CFAP58: variants seen among roughly 807,000 people sequenced by gnomAD.
The protein encoded by CFAP58 is cilia and flagella associated protein 58.
A neutral mutation model predicts 119.5 loss-of-function variants in CFAP58; 88 were observed. The ratio of observed to expected loss-of-function variants is 0.74; its 90% confidence interval spans 0.62 to 0.88. The LOEUF (loss-of-function observed/expected upper bound fraction) is 0.88, where lower values mean the gene tolerates loss of function less well. CFAP58 is among the 40% of genes least tolerant of loss of function. The probability of loss-of-function intolerance (pLI) is 0.00; values close to 1 mark genes in which losing one functional copy is unlikely to be tolerated. For synonymous variants in CFAP58, 365 were observed against 366.3 expected (o/e 1.00, Z 0.04); for missense variants, 990 against 1,021.2 (o/e 0.97, Z 0.42).
intron 15 of CFAP58, among the ~76,000 whole-genome samples, chr10:104,440,657 G>T (rs1464128189): frequency 2.0e-5 from 3 of 152,072 alleles, no homozygotes; most frequent in Non-Finnish European, 2.9e-5. Context: ...TTTCTCCACG[G>T]TATTCAGATA....
chr10:104,403,543 A>G (rs2133046909), intron 13 of CFAP58, among the ~76,000 whole-genome samples, 186 bp from the exon 14 acceptor site: 1 of 147,324 alleles, frequency 6.8e-6, no homozygotes, highest in Admixed American at 6.9e-5. Context: ...AGCTAAGCCA[A>G]TTCTTGAGCT....
the CFAP58 span, among the ~76,000 whole-genome samples, chr10:104,342,868 A>AAAAAT: frequency 6.7e-6 from 1 of 149,570 alleles, no homozygotes; most frequent in Non-Finnish European, 1.5e-5. Flanking sequence ...AAAAAAAAAA[A>AAAAAT]GTGACTTGTG....
intron 6 of CFAP58, 79 bp downstream of exon 6, chr10:104,368,639 T>C (rs1479005856): frequency 1.8e-5 from 27 of 1,506,518 alleles, no homozygotes; most frequent in Non-Finnish European, 2.3e-5. Context: ...AGCCCTCAGT[T>C]GGAGAGCCTG....
rs7090945 is a variant in CFAP58 at position 104,426,448 on chromosome 10, A to T, written c.2256+19655A>T. ...CTCCTTCCCCCCGCCGCCTTCCATCATCCTCTCTCCCTCCCCACTCCCCCC... is the reference window on the plus strand; with the variant it reads ...CTCCTTCCCCCCGCCGCCTTCCATCTTCCTCTCTCCCTCCCCACTCCCCCC... On this transcript the variant is annotated intron_variant, in intron 15 of 17. Transcript: ENST00000369704. 3.3e-3 allele frequency among the ~76,000 whole-genome samples: 455 copies of T among 138,474 alleles called. 1 individual carries two copies. The highest frequency in any genetic ancestry group is 0.012 in the African/African-American group (439 of 36,702). 90.8% of individuals were successfully genotyped at this position (138,474 alleles called of 152,430 possible). A position where few individuals can be genotyped will look rare whatever the true frequency, so the allele number is the denominator to read the frequency against.
chr10:104,348,416 A>T, the CFAP58 span, among the ~76,000 whole-genome samples: 1 of 152,294 alleles, frequency 6.6e-6, no homozygotes, highest in South Asian at 2.1e-4. Context: ...TACAGCACGC[A>T]CCTGAGAAGT....
rs1426074130 is a variant in CFAP58, at chr10:104,380,084, A to G, written c.1229A>G (p.His410Arg). 9.9e-6 allele frequency: 16 copies of G among 1,614,054 alleles called. No individual in the cohort carries two copies. Among genetic ancestry groups the G allele is most frequent in the Non-Finnish European group, 1.2e-5 (14 of 1,180,014 alleles). ...TQKQTDLVKLHEQAKRNLEGE... is the reference protein window; with the variant it reads ...TQKQTDLVKLREQAKRNLEGE... ...AAGCAGACAGACTTGGTAAAGCTCC[A>G]TGAACAAGCCAAGAGGAACCTGGAG... Residue 410 changes from histidine (H) to arginine (R), a missense_variant, in exon 9 of 18, where the codon CAT becomes CGT. Transcript: ENST00000369704.
chr10:104,407,737 C>T (rs2012387856), intron 15 of CFAP58, among the ~76,000 whole-genome samples: 1 of 152,112 alleles, frequency 6.6e-6, no homozygotes, highest in Admixed American at 6.5e-5. Context: ...TGCTCTGTTG[C>T]CCAGGCTGGA....
chr10:104,414,673 T>A lies in CFAP58; in HGVS notation c.2256+7880T>A, dbSNP rs191441810. 8.6e-3 allele frequency among the ~76,000 whole-genome samples: 1,312 copies of A among 152,280 alleles called. 5 individuals carry two copies. The highest frequency in any genetic ancestry group is 0.013 in the Non-Finnish European group (893 of 68,034). ...TAACTCTTAATTTAATTTTTATTTT[T>A]ATTTTTATTTTTTTGAGACGGATTC... On this transcript the variant is annotated intron_variant, in intron 15 of 17. Transcript: ENST00000369704.
rs1461865233 is a variant in CFAP58 at position 104,454,776 on chromosome 10, G to A, written c.*246G>A. ...ACCTATTGCATGAAGCAAATCTTTT[G>A]TTGCTACCCCATTGATTGAAATGTA... is the stretch of plus-strand genomic sequence containing the variant. On this transcript the variant is annotated 3_prime_UTR_variant, in exon 18 of 18. Coordinates refer to ENST00000369704, the MANE Select transcript of CFAP58 (RefSeq NM_001008723.2). 2.3e-6 allele frequency: 1 copy of A among 440,312 alleles called. No homozygotes were observed. The highest frequency in any genetic ancestry group is 2.0e-5 in the African/African-American group (1 of 50,186). 27.3% of individuals were successfully genotyped at this position (440,312 alleles called of 1,614,324 possible).
intron 9 of CFAP58, chr10:104,382,454 TC>T (rs2011830797): frequency 2.3e-6 from 1 of 443,538 alleles, no homozygotes; most frequent in African/African-American, 1.9e-5. Context: ...TCTCAAAAAT[TC>T]CAGTGTGGTT....
chr10:104,393,313 C>G lies in CFAP58; in HGVS notation c.1528-16C>G. 1 of 1,603,818 alleles carries G rather than the reference C, an allele frequency of 6.2e-7. No individual in the cohort carries two copies. Among genetic ancestry groups the G allele is most frequent in the Non-Finnish European group, 8.5e-7 (1 of 1,172,302 alleles). On this transcript the variant is annotated splice_polypyrimidine_tract_variant and intron_variant, in intron 10 of 17. Transcript: ENST00000369704. ...GTCTAATTCACTTTCAAACATTTCTCCTTTCATTTGGTTAGGATGAAATAA... is the reference window on the plus strand; with the variant it reads ...GTCTAATTCACTTTCAAACATTTCTGCTTTCATTTGGTTAGGATGAAATAA...
Position 104,447,716 on chromosome 10 carries a change from A to G in CFAP58, c.2275A>G (p.Met759Val), listed in dbSNP as rs117668723. ...CCACTAGGAAAAGGAGAAACTCTAC[A>G]TGGAACTAAAGCACGTCTTGGCCCG... ...LLLQEKEKLY[M>V]ELKHVLARQP... The change falls in exon 16 of 18, where the codon ATG (methionine) becomes GTG (valine). Residue 759 changes from methionine to valine, a missense_variant. Physicochemically the swap from Met to Val is conservative, Grantham distance 21 (BLOSUM62 1). Coordinates refer to ENST00000369704, the MANE Select transcript of CFAP58 (RefSeq NM_001008723.2). 285 of 1,614,080 alleles carry G rather than the reference A, an allele frequency of 1.8e-4. 3 individuals are homozygous for G. The East Asian group carries it at 6.0e-3, about 34-fold the overall frequency.
intron 11 of CFAP58, among the ~76,000 whole-genome samples, chr10:104,396,185 T>C (rs2133036991): frequency 6.6e-6 from 1 of 152,324 alleles, no homozygotes; most frequent in Non-Finnish European, 1.5e-5. Context: ...AAGCCCCTGC[T>C]TCTATCTTGT....
chr10:104,385,371 C>T (rs1236961860), intron 9 of CFAP58, among the ~76,000 whole-genome samples: 6 of 151,534 alleles, frequency 4.0e-5, no homozygotes, highest in Non-Finnish European at 7.4e-5. Flanking sequence ...TCCAACATGG[C>T]GTTACTGCTA....
intron 15 of CFAP58, among the ~76,000 whole-genome samples, chr10:104,409,916 T>C (rs1031550004): frequency 6.6e-6 from 1 of 152,298 alleles, no homozygotes; most frequent in African/African-American, 2.4e-5. Context: ...TCTACCTTCT[T>C]ATTTTCCCTG....
chr10:104,357,784 T>C (rs1316714260), intron 1 of CFAP58, among the ~76,000 whole-genome samples: 1 of 148,694 alleles, frequency 6.7e-6, no homozygotes, highest in Non-Finnish European at 1.5e-5. Flanking sequence ...TATATGTGTG[T>C]TTATATACAT....
At chr10:104,372,734 G>T (rs963655075) in intron 7 of CFAP58, among the ~76,000 whole-genome samples, 9 of 152,280 alleles carry the variant, frequency 5.9e-5, no homozygotes, top group East Asian at 3.9e-4. Context: ...GCTTGCAATA[G>T]TTCTAAGCTT....
intron 17 of CFAP58, among the ~76,000 whole-genome samples, chr10:104,452,674 G>T (rs2013214204): frequency 6.6e-6 from 1 of 152,362 alleles, no homozygotes; most frequent in East Asian, 1.9e-4. Context: ...TGTGAAATCA[G>T]TTCCTCAGTC....
chr10:104,393,292 A>G (rs769185326), intron 10 of CFAP58, 37 bp from the exon 11 acceptor site: 2 of 1,589,164 alleles, frequency 1.3e-6, no homozygotes, highest in South Asian at 2.2e-5. Context: ...GATGATGTCT[A>G]ATTCACTTTC....
Sources: allele counts gnomAD v4.1 joint callset (sites outside exome capture counted in the v4.1 genomes callset), GRCh38; gene constraint gnomAD v4.1.1; transcripts MANE v1.5; gene names NCBI Gene and HGNC (gene_info 2026-07-23, HGNC 2026-07-21).